The following BANK1 variants were observed in gnomAD, a reference collection of about 807,000 sequenced individuals.
The protein encoded by BANK1 is B-cell scaffold protein with ankyrin repeats.
A neutral mutation model predicts 94.5 loss-of-function variants in BANK1; 95 were observed. The observed-to-expected ratio is 1.00, with a 90% CI of 0.85 to 1.19. The LOEUF (loss-of-function observed/expected upper bound fraction) is 1.19. BANK1 is among the 50% of genes most tolerant of loss of function. BANK1 has a pLI of 0.00. For synonymous variants in BANK1, 334 were observed against 308.4 expected, an observed-to-expected ratio of 1.08 and a Z score of -0.87; for missense variants, 987 against 932.2, an observed-to-expected ratio of 1.06 and a Z score of -0.77.
chr4:101,930,180 A>T (rs1194760928), intron 7 of BANK1, among the ~76,000 whole-genome samples: 1 of 151,312 alleles, frequency 6.6e-6, no homozygotes, highest in Non-Finnish European at 1.5e-5. Context: ...GTGTGTGTTC[A>T]TCATTGTATC....
chr4:101,817,520 C>T (rs541463382), intron 1 of BANK1, among the ~76,000 whole-genome samples: 57 of 151,982 alleles, frequency 3.8e-4, no homozygotes, highest in African/African-American at 1.3e-3. Context: ...ACACACCGGG[C>T]CTGTTGGAGG....
chr4:101,935,860 T>C (rs1723511930), intron 7 of BANK1, among the ~76,000 whole-genome samples: 1 of 151,558 alleles, frequency 6.6e-6, no homozygotes, highest in Non-Finnish European at 1.5e-5. Flanking sequence ...TGGATATTCA[T>C]ATGCAGAAGA....
At chr4:101,979,880 ATCTGAC>A (rs1725271401) in intron 7 of BANK1, among the ~76,000 whole-genome samples, 2 of 151,884 alleles carry the variant, frequency 1.3e-5, no homozygotes, top group African/African-American at 4.8e-5. Flanking sequence ...GTAAATTGGT[ATCTGAC>A]TTCTCTTAGT....
intron 15 of BANK1, among the ~76,000 whole-genome samples, chr4:102,073,301 A>G (rs186760509): frequency 6.6e-6 from 1 of 151,516 alleles, no homozygotes; most frequent in East Asian, 1.9e-4. Context: ...ACTCATTCAA[A>G]TGTAGCAAAA....
At chr4:102,020,892 A>C (rs191113556) in intron 7 of BANK1, among the ~76,000 whole-genome samples, 15 of 152,266 alleles carry the variant, frequency 9.9e-5, no homozygotes, top group Admixed American at 9.8e-4. Flanking sequence ...AGTATGCACC[A>C]CAACTGTAAA....
chr4:101,917,758 C>T (rs1186257284), intron 6 of BANK1, among the ~76,000 whole-genome samples: 1 of 151,238 alleles, frequency 6.6e-6, no homozygotes, highest in African/African-American at 2.4e-5. Context: ...TTAAACTTAC[C>T]TCACAAGTAA....
chr4:101,945,334 T>G (rs1723893179), intron 7 of BANK1, among the ~76,000 whole-genome samples: 1 of 151,962 alleles, frequency 6.6e-6, no homozygotes, highest in African/African-American at 2.4e-5. Context: ...AAACTTTCAT[T>G]TGTCTTTGGA....
intron 7 of BANK1, among the ~76,000 whole-genome samples, chr4:101,927,807 G>C (rs1435713645): frequency 1.3e-5 from 2 of 151,654 alleles, no homozygotes; most frequent in Non-Finnish European, 3.0e-5. Context: ...CTTGGGACAC[G>C]TTAAATTTGA....
chr4:101,867,765 T>TATAAATAAATAA (rs59989392), intron 4 of BANK1, among the ~76,000 whole-genome samples: 50 of 147,640 alleles, frequency 3.4e-4, no homozygotes, highest in African/African-American at 1.2e-3. Flanking sequence ...AAAAAATAAA[T>TATAAATAAATAA]ATAAATAAAT....
chr4:102,002,932 C>A (rs555791608), intron 7 of BANK1, among the ~76,000 whole-genome samples: 8 of 152,260 alleles, frequency 5.3e-5, no homozygotes, highest in African/African-American at 1.7e-4. Flanking sequence ...TGCCACCATG[C>A]CCAGCTAATT....
intron 7 of BANK1, among the ~76,000 whole-genome samples, chr4:101,987,787 C>T (rs937910881): frequency 6.6e-6 from 1 of 152,122 alleles, no homozygotes; most frequent in East Asian, 1.9e-4. Flanking sequence ...CAAAAATGTC[C>T]AATCCTCTTT....
intron 7 of BANK1, among the ~76,000 whole-genome samples, chr4:101,975,821 G>T (rs1486263185): frequency 6.6e-6 from 1 of 152,048 alleles, no homozygotes; most frequent in Admixed American, 6.6e-5. Flanking sequence ...TTTATTAAAT[G>T]AATAAATAAA....
intron 7 of BANK1, among the ~76,000 whole-genome samples, chr4:101,929,307 C>G (rs763168618): frequency 2.6e-4 from 39 of 151,604 alleles, no homozygotes; most frequent in Non-Finnish European, 5.2e-4. Context: ...CATGAAACAT[C>G]AGATTGTTGG....
chr4:101,824,609 A>C lies in BANK1; in HGVS notation c.71-5199A>C, dbSNP rs545098624. Among the ~76,000 whole-genome samples, 19 of 152,226 alleles carry C rather than the reference A, an allele frequency of 1.2e-4. No homozygotes were observed. In the South Asian group the frequency reaches 3.5e-3, roughly 28 times the overall value. On this transcript the variant is annotated intron_variant, in intron 1 of 16. Transcript: ENST00000322953. The stretch of plus-strand genomic sequence containing the variant: ...GTAAGTAATGATATATGTGTGTGTG[A>C]TTATATTAAGATTAATGTTCTTGTT...
chr4:101,840,920 T>C (rs1283849647), intron 2 of BANK1, among the ~76,000 whole-genome samples: 1 of 152,120 alleles, frequency 6.6e-6, no homozygotes, highest in Non-Finnish European at 1.5e-5. Context: ...AATTCTACCT[T>C]GCAGGTTCAA....
At chr4:102,024,352 A>AT (rs1427040175) in intron 8 of BANK1, among the ~76,000 whole-genome samples, 1 of 152,168 alleles carries the variant, frequency 6.6e-6, no homozygotes, top group East Asian at 1.9e-4. Context: ...ACTGTTTTAA[A>AT]TTTTTTGAAT....
chr4:101,790,812 C>A lies in BANK1; in HGVS notation c.-69C>A, dbSNP rs1053865974. The A allele has an allele frequency of 3.4e-6, 5 of 1,472,492 alleles. No homozygotes were observed. The Admixed American group carries it at 9.8e-5, about 29-fold the overall frequency. The allele number at this position is 1,472,492 out of a possible 1,614,324, so 91.2% of individuals were successfully genotyped here. ...AGGAAGAGAAAATCGCGGGGAGTCT[C>A]TGGCCGGGAGAGTCCAGGTAGCGCT... is the stretch of plus-strand genomic sequence containing the variant. On this transcript the variant is annotated 5_prime_UTR_variant, in exon 1 of 17. The change creates a new upstream start codon in the 5' untranslated region. Transcript: ENST00000322953.
At chr4:101,942,010 G>A (rs1723766152) in intron 7 of BANK1, among the ~76,000 whole-genome samples, 1 of 151,772 alleles carries the variant, frequency 6.6e-6, no homozygotes, top group Non-Finnish European at 1.5e-5. Context: ...TCAGTAATTG[G>A]ACTTCATGGA....
At chr4:102,044,354 T>C (rs1727804827) in intron 11 of BANK1, among the ~76,000 whole-genome samples, 1 of 152,202 alleles carries the variant, frequency 6.6e-6, no homozygotes, top group Non-Finnish European at 1.5e-5. Context: ...CTACAGAGGA[T>C]ATGAACTCAT....
Sources: allele counts gnomAD v4.1 joint callset (sites outside exome capture counted in the v4.1 genomes callset), GRCh38; gene constraint gnomAD v4.1.1; transcripts MANE v1.5; gene names NCBI Gene and HGNC (gene_info 2026-07-23, HGNC 2026-07-21).